Variants in RASGRP3 observed in about 807,000 individuals in gnomAD.
The protein encoded by RASGRP3 is RAS guanyl releasing protein 3, also known as ras guanyl-releasing protein 3.
In RASGRP3, 54 loss-of-function variants were observed where a neutral mutation model predicts 82.7. The observed-to-expected ratio is 0.65, with a 90% CI of 0.52 to 0.82. The LOEUF (loss-of-function observed/expected upper bound fraction) is 0.82, where lower values mean the gene tolerates loss of function less well. Among genes scored for constraint, RASGRP3 ranks in the 40% least tolerant of loss-of-function variants. RASGRP3 has a pLI of 0.00. For synonymous variants in RASGRP3, 309 were observed against 300.5 expected (o/e 1.03, Z -0.29); for missense variants, 861 against 828.9 (o/e 1.04, Z -0.48).
upstream of RASGRP3, chr2:33,476,485 C>G (rs1667383996): frequency 6.6e-6 from 1 of 152,214 alleles, no homozygotes. Flanking sequence ...GATGGCTGAG[C>G]CAACTCAGGG....
At chr2:33,524,240 A>G (rs1421367448) in intron 8 of RASGRP3, among the ~76,000 whole-genome samples, 188 bp downstream of exon 8, 1 of 152,244 alleles carries the variant, frequency 6.6e-6, no homozygotes, top group Non-Finnish European at 1.5e-5. Flanking sequence ...AATGCTTAGA[A>G]GCATTTAATG....
chr2:33,546,860 A>G (rs1217923099), intron 13 of RASGRP3, among the ~76,000 whole-genome samples: 1 of 152,010 alleles, frequency 6.6e-6, no homozygotes, highest in Non-Finnish European at 1.5e-5. Context: ...CTGAGTCGGG[A>G]GCTCGAGACC....
At chr2:33,558,425 GGTCA>G in intron 16 of RASGRP3, 89 bp downstream of exon 16, 1 of 1,587,696 alleles carries the variant, frequency 6.3e-7, no homozygotes, top group Non-Finnish European at 8.6e-7. Context: ...GTCTAAACCC[GGTCA>G]GTCACTCTAA....
chr2:33,503,926 G>T (rs1362092650), intron 1 of RASGRP3, among the ~76,000 whole-genome samples: 1 of 152,092 alleles, frequency 6.6e-6, no homozygotes, highest in Non-Finnish European at 1.5e-5. Context: ...AAGCAGCATT[G>T]TGCAACCCCT....
chr2:33,525,953 T>G (rs538297810), intron 9 of RASGRP3, among the ~76,000 whole-genome samples: 45 of 152,330 alleles, frequency 3.0e-4, no homozygotes, highest in African/African-American at 1.1e-3. Context: ...GTTTTGTTTT[T>G]TTGTTTGTTT....
At chr2:33,533,492 G>A (rs1673300751) in intron 10 of RASGRP3, 1 of 152,182 alleles carries the variant, frequency 6.6e-6, no homozygotes, top group South Asian at 2.1e-4. Context: ...TGTGTACCAG[G>A]TCCTGTGTGA....
intron 10 of RASGRP3, chr2:33,534,114 G>T: frequency 1.8e-6 from 1 of 551,582 alleles, no homozygotes; most frequent in Admixed American, 3.1e-5. Context: ...TGAGTTGATG[G>T]TTCTCGTCAA....
intron 2 of RASGRP3, among the ~76,000 whole-genome samples, chr2:33,464,482 A>ATTTT (rs1205343204): frequency 1.4e-5 from 2 of 145,512 alleles, no homozygotes; most frequent in African/African-American, 5.1e-5. Context: ...TTTTTTTAAA[A>ATTTT]AAAAAAAAAA....
intron 11 of RASGRP3, among the ~76,000 whole-genome samples, chr2:33,538,661 A>G (rs1351519576): frequency 6.6e-6 from 1 of 152,214 alleles, no homozygotes; most frequent in African/African-American, 2.4e-5. Flanking sequence ...TATAAATGTA[A>G]GTTTCTACTG....
chr2:33,503,592 CT>C (rs36120670), intron 1 of RASGRP3, among the ~76,000 whole-genome samples: 19 of 149,826 alleles, frequency 1.3e-4, no homozygotes, highest in Non-Finnish European at 1.9e-4. Flanking sequence ...TTTAAACACA[CT>C]TTTTTTTTTG....
intron 4 of RASGRP3, among the ~76,000 whole-genome samples, chr2:33,517,420 G>A (rs1277548626): frequency 6.6e-6 from 1 of 152,192 alleles, no homozygotes; most frequent in African/African-American, 2.4e-5. Flanking sequence ...AGATGAGTGA[G>A]AACCCCTACA....
chr2:33,467,483 T>A (rs185465834), intron 2 of RASGRP3, among the ~76,000 whole-genome samples: 114 of 152,226 alleles, frequency 7.5e-4, no homozygotes, highest in Non-Finnish European at 1.5e-3. Flanking sequence ...ATCAAAAAAG[T>A]GTATGTGTCT....
intron 1 of RASGRP3, chr2:33,481,474 T>G (rs1329626819): frequency 6.6e-6 from 1 of 151,820 alleles, no homozygotes; most frequent in African/African-American, 2.4e-5. Context: ...TTATGCTATC[T>G]TTCAAAGAAA....
chr2:33,539,847 G>A (rs1674061165), intron 12 of RASGRP3: 2 of 152,262 alleles, frequency 1.3e-5, no homozygotes, highest in African/African-American at 2.4e-5. Context: ...AATTAGCCGG[G>A]CGCGATGGCG....
intron 10 of RASGRP3, chr2:33,534,112 T>C (rs1321960066): frequency 3.6e-6 from 2 of 553,616 alleles, no homozygotes; most frequent in Admixed American, 3.1e-5. Context: ...ATTGAGTTGA[T>C]GGTTCTCGTC....
intron 1 of RASGRP3, among the ~76,000 whole-genome samples, chr2:33,496,874 A>T (rs1669371831): frequency 6.6e-6 from 1 of 152,108 alleles, no homozygotes; most frequent in Non-Finnish European, 1.5e-5. Flanking sequence ...AAACAAAACA[A>T]ACCAACAAAA....
chr2:33,544,389 G>A (rs1488458235), intron 13 of RASGRP3, among the ~76,000 whole-genome samples: 2 of 151,934 alleles, frequency 1.3e-5, no homozygotes, highest in Non-Finnish European at 2.9e-5. Context: ...TTCATGCTTT[G>A]TTTTCTCTTT....
intron 11 of RASGRP3, among the ~76,000 whole-genome samples, chr2:33,536,061 G>C (rs980310455): frequency 1.3e-5 from 2 of 152,088 alleles, no homozygotes; most frequent in Non-Finnish European, 2.9e-5. Context: ...CCAGCACTTT[G>C]GGAGGCCGAG....
chr2:33,469,216 C>A (rs191453224), intron 2 of RASGRP3, among the ~76,000 whole-genome samples: 2 of 151,942 alleles, frequency 1.3e-5, no homozygotes, highest in Non-Finnish European at 2.9e-5. Context: ...GACCATTAAC[C>A]CTTTACCATA....
Sources: gnomAD v4.1 joint callset for allele counts (sites outside exome capture counted in the v4.1 genomes callset) on GRCh38, gnomAD v4.1.1 for gene constraint, MANE v1.5 for transcripts, NCBI Gene and HGNC (gene_info 2026-07-23, HGNC 2026-07-21) for gene names.